KCNG3: variants seen among roughly 807,000 people sequenced by gnomAD.
The protein encoded by KCNG3 is voltage-gated potassium channel regulatory subunit KCNG3.
In KCNG3, 15 loss-of-function variants were observed where a neutral mutation model predicts 29.0. That is an observed-to-expected ratio of 0.52 (90% CI 0.35 to 0.80). The LOEUF is 0.80. Among genes scored for constraint, KCNG3 ranks in the 30% least tolerant of loss-of-function variants. KCNG3 has a pLI of 0.01. For missense variants in KCNG3, 512 were observed against 605.7 expected (o/e 0.85, Z 1.62); for synonymous variants, 322 against 248.9 (o/e 1.29, Z -2.76).
the KCNG3 span, among the ~76,000 whole-genome samples, chr2:42,391,322 G>A: frequency 6.6e-6 from 1 of 152,088 alleles, no homozygotes; most frequent in Non-Finnish European, 1.5e-5. Context: ...AAAGACCCAG[G>A]GCAAAGTGAC....
the KCNG3 span, among the ~76,000 whole-genome samples, chr2:42,430,576 C>A: frequency 1.3e-5 from 2 of 151,700 alleles, no homozygotes; most frequent in African/African-American, 4.8e-5. Flanking sequence ...CATAGTTAGC[C>A]CTTGTCTGTA....
At chr2:42,481,669 T>C (rs1468586294) in intron 1 of KCNG3, among the ~76,000 whole-genome samples, 1 of 152,072 alleles carries the variant, frequency 6.6e-6, no homozygotes, top group Non-Finnish European at 1.5e-5. Context: ...TCCCCTGCCT[T>C]CCCCCGCATT....
the KCNG3 span, among the ~76,000 whole-genome samples, chr2:42,399,181 C>T: frequency 1.3e-5 from 2 of 151,046 alleles, no homozygotes; most frequent in Non-Finnish European, 2.9e-5. Context: ...TTCAGGTTTC[C>T]GAGTAGCTGG....
At chr2:42,438,578 A>T (rs1357585931), downstream of KCNG3, among the ~76,000 whole-genome samples, 1 of 152,200 alleles carries the variant, frequency 6.6e-6, no homozygotes, top group Non-Finnish European at 1.5e-5. Context: ...AGCTACTTAA[A>T]ATGTATTTGT....
At chr2:42,478,143 G>A (rs1395439440) in intron 1 of KCNG3, among the ~76,000 whole-genome samples, 1 of 152,038 alleles carries the variant, frequency 6.6e-6, no homozygotes, top group African/African-American at 2.4e-5. Context: ...AAACTTTTGC[G>A]GCTCAGGACC....
At chr2:42,421,052 T>G in the KCNG3 span, among the ~76,000 whole-genome samples, 1 of 152,136 alleles carries the variant, frequency 6.6e-6, no homozygotes, top group Non-Finnish European at 1.5e-5. Context: ...AATGACTCAA[T>G]GAGAGTAGAA....
rs1436460387 is a variant in KCNG3, at chr2:42,493,092, C to G, written c.410G>C (p.Arg137Pro). ...GGCCCCGCCGGGGCGCGCCTCGTCG[C>G]GGCCCAGCACGCCCGGCTCGTCGGC... ...YSADEPGVLGRDEARPGGAEA... is the reference protein window; with the variant it reads ...YSADEPGVLGPDEARPGGAEA... Residue 137 changes from arginine (R) to proline (P), a missense_variant, in exon 1 of 2, where the codon CGC (arginine) becomes CCC (proline). Around this residue, in one of 5 missense-constraint regions of KCNG3, gnomAD observed 228 missense variants for 200.0 expected, o/e 1.14. Transcript: ENST00000306078. 1 of 1,573,746 alleles carries G rather than the reference C, an allele frequency of 6.4e-7. No individual in the cohort carries two copies. Among genetic ancestry groups the G allele is most frequent in the East Asian group, 2.3e-5 (1 of 42,918 alleles).
Position 42,493,203 on chromosome 2 carries a change from T to C in KCNG3, c.299A>G (p.Tyr100Cys). 6.2e-7 allele frequency: 1 copy of C among 1,610,942 alleles called. No homozygotes were observed. Among genetic ancestry groups the C allele is most frequent in the Non-Finnish European group, 8.5e-7 (1 of 1,179,830 alleles). Reference protein sequence around the residue: ...CELSFYNEMIYWGLEGAHLEY... With the variant: ...CELSFYNEMICWGLEGAHLEY... ...GAGGTGCGCGCCCTCCAGGCCCCAG[T>C]AGATCATCTCGTTGTAGAAGGAGAG... Residue 100 changes from tyrosine (Y) to cysteine (C), a missense_variant, in exon 1 of 2, where the codon TAC becomes TGC. This residue lies in a region of KCNG3 where 228 missense variants were observed against 200.0 expected (regional missense o/e 1.14). Transcript: ENST00000306078.
downstream of KCNG3, among the ~76,000 whole-genome samples, chr2:42,437,187 A>G (rs1401477318): frequency 1.3e-5 from 2 of 152,208 alleles, no homozygotes; most frequent in South Asian, 2.1e-4. Context: ...TACATAAAAA[A>G]TATATATTTA....
In KCNG3 at chr2:42,452,243, A is replaced by ATATATATATATATATATT; in HGVS notation, c.666-7665_666-7664insAATATATATATATATATA. 1.3e-3 allele frequency among the ~76,000 whole-genome samples: 120 copies of ATATATATATATATATATT among 95,028 alleles called. 2 individuals are homozygous for ATATATATATATATATATT. Among genetic ancestry groups the ATATATATATATATATATT allele is most frequent in the East Asian group, 7.3e-3 (16 of 2,180 alleles). 62.3% of individuals were successfully genotyped at this position (95,028 alleles called of 152,430 possible). ...TAAATATATATATATATATATATATATTTTTTTTTTTTTTTTAAAGGAAAC... is the reference window on the plus strand; with the variant it reads ...TAAATATATATATATATATATATATATATATATATATATATATTTTTTTTTTTTTTTTTTAAAGGAAAC... On this transcript the variant is annotated intron_variant, in intron 1 of 1. Coordinates refer to ENST00000306078, the MANE Select transcript of KCNG3 (RefSeq NM_133329.6).
At position 42,444,072 on chromosome 2, in the gene KCNG3, T is replaced by G; in HGVS notation, c.1173A>C (p.Gly391=). 6.2e-7 allele frequency: 1 copy of G among 1,614,072 alleles called. No homozygotes were observed. ...PITVPGRILG[G]VCVVSGIVLL... ...GAACAATTCCACTGACAACACAAAC[T>G]CCTCCAAGAATTCTTCCAGGCACTG... The change falls in exon 2 of 2, where the codon GGA becomes GGC. Residue 391 remains glycine (G), a synonymous_variant. Transcript: ENST00000306078. This position sits in a 1 kb window ranked among gnomAD's most constrained non-coding sequence, Gnocchi z 5.8.
Position 42,493,005 on chromosome 2 carries a change from G to C in KCNG3, c.497C>G (p.Ser166Trp). The change falls in exon 1 of 2, where the codon TCG (serine) becomes TGG (tryptophan). Residue 166 changes from serine to tryptophan, a missense_variant. Ser to Trp is a radical substitution (Grantham distance 177, BLOSUM62 -3). Coordinates refer to ENST00000306078, the MANE Select transcript of KCNG3 (RefSeq NM_133329.6). ...RMRRTFEEPTSSLAAQILASV... is the reference protein window; with the variant it reads ...RMRRTFEEPTWSLAAQILASV... ...AGCCAGGATCTGCGCGGCCAGCGAC[G>C]ACGTGGGCTCCTCGAAGGTCCGCCG... 2 of 1,530,838 alleles carry C rather than the reference G, an allele frequency of 1.3e-6. No homozygotes were observed. Among genetic ancestry groups the C allele is most frequent in the Non-Finnish European group, 1.8e-6 (2 of 1,142,804 alleles). The allele number at this position is 1,530,838 out of a possible 1,614,324, so 94.8% of individuals were successfully genotyped here. A position where few individuals can be genotyped will look rare whatever the true frequency, so the allele number is the denominator to read the frequency against.
chr2:42,476,471 T>TA (rs954816975), intron 1 of KCNG3, among the ~76,000 whole-genome samples: 14 of 151,838 alleles, frequency 9.2e-5, no homozygotes, highest in African/African-American at 3.1e-4. Flanking sequence ...AGTGAGATCC[T>TA]TCTCAATAAA....
At chr2:42,396,548 A>G in the KCNG3 span, among the ~76,000 whole-genome samples, 1 of 152,190 alleles carries the variant, frequency 6.6e-6, no homozygotes, top group African/African-American at 2.4e-5. Context: ...AGGCAAGAAG[A>G]GGTCAGTTTG....
At chr2:42,490,526 G>A (rs1023379909) in intron 1 of KCNG3, among the ~76,000 whole-genome samples, 3 of 152,212 alleles carry the variant, frequency 2.0e-5, no homozygotes, top group African/African-American at 4.8e-5. Flanking sequence ...CCACCACCCT[G>A]AAGGCCTTCT....
chr2:42,477,386 T>TACACACACACACACAC (rs1198473558), intron 1 of KCNG3, among the ~76,000 whole-genome samples: 2 of 103,398 alleles, frequency 1.9e-5, no homozygotes, highest in East Asian at 7.4e-4. Context: ...CACACATATA[T>TACACACACACACACAC]ATACACACAC....
chr2:42,477,275 T>C (rs912184269), intron 1 of KCNG3, among the ~76,000 whole-genome samples: 2 of 151,262 alleles, frequency 1.3e-5, no homozygotes, highest in African/African-American at 4.9e-5. Context: ...AATACACTAG[T>C]TACTCTTATG....
At chr2:42,479,127 G>A (rs1477213632) in intron 1 of KCNG3, among the ~76,000 whole-genome samples, 1 of 152,084 alleles carries the variant, frequency 6.6e-6, no homozygotes, top group Non-Finnish European at 1.5e-5. Flanking sequence ...CGCTCAATCT[G>A]TAGCACCTAT....
chr2:42,475,355 T>G (rs1673397599), intron 1 of KCNG3, among the ~76,000 whole-genome samples: 1 of 143,120 alleles, frequency 7.0e-6, no homozygotes, highest in Admixed American at 7.4e-5. Flanking sequence ...AGATAGAGTC[T>G]CGCTCTGTCG....
Sources: allele counts gnomAD v4.1 joint callset (sites outside exome capture counted in the v4.1 genomes callset), GRCh38; gene constraint gnomAD v4.1.1; regional missense constraint gnomAD v4.1.1; non-coding constraint Gnocchi (gnomAD v3.1); transcripts MANE v1.5; gene names NCBI Gene and HGNC (gene_info 2026-07-23, HGNC 2026-07-21).